GPATCH2L: variants seen among roughly 807,000 people sequenced by gnomAD.
The protein encoded by GPATCH2L is G patch domain-containing protein 2-like.
Under a neutral mutation model 57.4 loss-of-function variants are expected in GPATCH2L, and 31 were observed. The ratio of observed to expected loss-of-function variants is 0.54; its 90% CI spans 0.41 to 0.73. GPATCH2L has a LOEUF of 0.73. Among genes scored for constraint, GPATCH2L ranks in the 30% least tolerant of loss-of-function variants. The probability of loss-of-function intolerance (pLI) is 0.00; values close to 1 mark genes in which losing one functional copy is unlikely to be tolerated. For missense variants in GPATCH2L, 481 were observed against 599.9 expected (o/e 0.80, Z 2.07); for synonymous variants, 199 against 210.7 (o/e 0.94, Z 0.48).
At position 76,167,220 on chromosome 14, in the gene GPATCH2L, G is replaced by A. The variant is rs78248791; in HGVS notation, c.727+493G>A. 1.6e-3 allele frequency among the ~76,000 whole-genome samples: 239 copies of A among 152,210 alleles called. 2 individuals carry two copies. Among genetic ancestry groups the A allele is most frequent in the African/African-American group, 5.3e-3 (221 of 41,534 alleles). On this transcript the variant is annotated intron_variant, in intron 3 of 9. Transcript: ENST00000261530. ...TTCCTCAAAGTAAAACTGGAGTATA[G>A]AGTCCTGTGAATAAGGCTGGTATAG...
chr14:76,183,654 T>C (rs1232798295), intron 8 of GPATCH2L, among the ~76,000 whole-genome samples: 1 of 152,190 alleles, frequency 6.6e-6, no homozygotes, highest in Non-Finnish European at 1.5e-5. Flanking sequence ...GTGACTTCTA[T>C]GCAATTTTTA....
At chr14:76,174,202 G>A (rs1006633851) in intron 5 of GPATCH2L, 1 of 152,630 alleles carries the variant, frequency 6.6e-6, no homozygotes, top group African/African-American at 2.4e-5. Flanking sequence ...CAGCAGATGA[G>A]GAAAACTTAG....
rs8181997 is a variant in GPATCH2L, at chr14:76,152,846, G to T, written c.-11+855G>T. ...TTTAAAGCAGTAATTCTTTATTAGG[G>T]AAGTAGATTTTGACATGCTGTTCCC... On this transcript the variant is annotated intron_variant, in intron 1 of 9. Coordinates refer to ENST00000261530, the MANE Select transcript of GPATCH2L (RefSeq NM_017926.4). The T allele has an allele frequency of 5.6e-4, 247 of 444,486 alleles. 1 individual carries two copies. The East Asian group carries it at 0.012, about 22-fold the overall frequency. The allele number at this position is 444,486 out of a possible 1,614,324, so 27.5% of individuals were successfully genotyped here.
rs1051689549 is a variant in GPATCH2L, at chr14:76,154,245, T to C, written c.-10-109T>C. On this transcript the variant is annotated intron_variant, in intron 1 of 9. Coordinates refer to ENST00000261530, the MANE Select transcript of GPATCH2L (RefSeq NM_017926.4). This position sits in a 1 kb window ranked among gnomAD's most constrained non-coding sequence, Gnocchi z 4.4. ...TGTTTAGACAGGCAGAACTGTGGAC[T>C]ACCATGATCTGTTTCATCAAATTAT... 12 of 886,130 alleles carry C rather than the reference T, an allele frequency of 1.4e-5. No individual in the cohort carries two copies. Among genetic ancestry groups the C allele is most frequent in the Middle Eastern group, 3.4e-4 (1 of 2,900 alleles). 54.9% of individuals were successfully genotyped at this position (886,130 alleles called of 1,614,324 possible).
chr14:76,231,962 A>AGCC (rs1229260053), intron 2 of GPATCH2L, among the ~76,000 whole-genome samples: 1 of 614 alleles, frequency 1.6e-3, no homozygotes, highest in Non-Finnish European at 3.7e-3. Context: ...GGGCAAACAC[A>AGCC]TCTCACTGCA....
intron 6 of GPATCH2L, among the ~76,000 whole-genome samples, chr14:76,177,506 G>C (rs1377836988): frequency 6.6e-6 from 1 of 151,580 alleles, no homozygotes; most frequent in African/African-American, 2.4e-5. Context: ...ACCCAGTTAT[G>C]ATCCTATACA....
At chr14:76,183,412 A>G (rs955306376) in intron 8 of GPATCH2L, among the ~76,000 whole-genome samples, 2 of 152,258 alleles carry the variant, frequency 1.3e-5, no homozygotes, top group African/African-American at 2.4e-5. Context: ...GGTTGCATAC[A>G]TGAAGGTTCT....
intron 8 of GPATCH2L, among the ~76,000 whole-genome samples, chr14:76,195,297 C>A (rs1368325613): frequency 6.6e-6 from 1 of 152,062 alleles, no homozygotes; most frequent in Non-Finnish European, 1.5e-5. Context: ...TTAAAATAAG[C>A]TGAGTATTCA....
rs2040324098 is a variant in GPATCH2L at position 76,202,331 on chromosome 14, CCT to C, written c.*481_*482del. The C allele has an allele frequency of 6.5e-6, 1 of 152,772 alleles. No individual in the cohort carries two copies. Among genetic ancestry groups the C allele is most frequent in the African/African-American group, 2.4e-5 (1 of 41,442 alleles). The allele number at this position is 152,772 out of a possible 1,614,324, so 9.5% of individuals were successfully genotyped here. A position where few individuals can be genotyped will look rare whatever the true frequency, so the allele number is the denominator to read the frequency against. On this transcript the variant is annotated 3_prime_UTR_variant, in exon 10 of 10. Transcript: ENST00000261530. ...GCAGGAGATAAGGCTTGCCTTTGAG[CCT>C]ACTCTTGATTCATGCAGAGTGCCAA...
At chr14:76,235,099 C>T (rs535858250) in intron 2 of GPATCH2L, among the ~76,000 whole-genome samples, 7 of 146,470 alleles carry the variant, frequency 4.8e-5, no homozygotes, top group African/African-American at 1.3e-4. Context: ...ACCCAGGAGG[C>T]GGAGGTTGCG....
chr14:76,215,131 C>CAGACACTTCTCAAAAGA (rs2040481257), downstream of GPATCH2L, among the ~76,000 whole-genome samples: 1 of 152,076 alleles, frequency 6.6e-6, no homozygotes, highest in Admixed American at 6.6e-5. Flanking sequence ...TAAAAAATGA[C>CAGACACTTCTCAAAAGA]AGACATTTAT....
At chr14:76,195,395 G>A (rs1346099428) in intron 8 of GPATCH2L, among the ~76,000 whole-genome samples, 1 of 152,040 alleles carries the variant, frequency 6.6e-6, no homozygotes, top group Non-Finnish European at 1.5e-5. Flanking sequence ...AAAAGTCACA[G>A]AAACTAAACT....
chr14:76,186,429 C>T (rs570778566), intron 8 of GPATCH2L, among the ~76,000 whole-genome samples: 2 of 152,278 alleles, frequency 1.3e-5, no homozygotes, highest in South Asian at 4.1e-4. Flanking sequence ...AGACTCACTT[C>T]ATGCTATTAA....
intron 2 of GPATCH2L, among the ~76,000 whole-genome samples, chr14:76,231,599 G>C (rs542370556): frequency 2.3e-5 from 3 of 132,500 alleles, no homozygotes; most frequent in African/African-American, 8.7e-5. Flanking sequence ...CCCTAGTATG[G>C]CTAAAATTAG....
At chr14:76,233,482 G>T (rs551419979) in intron 2 of GPATCH2L, among the ~76,000 whole-genome samples, 1 of 152,164 alleles carries the variant, frequency 6.6e-6, no homozygotes, top group Non-Finnish European at 1.5e-5. Flanking sequence ...ACCCATAAAA[G>T]TTGATAGAAC....
chr14:76,162,649 A>G (rs1309921169), intron 2 of GPATCH2L, among the ~76,000 whole-genome samples: 1 of 152,136 alleles, frequency 6.6e-6, no homozygotes, highest in East Asian at 1.9e-4. Flanking sequence ...TCTCAGACTG[A>G]TATTTCCCCT....
chr14:76,206,894 A>G lies in GPATCH2L; in HGVS notation c.*5043A>G, dbSNP rs2040382791. 6.6e-6 allele frequency: 1 copy of G among 152,170 alleles called. No individual in the cohort carries two copies. Among genetic ancestry groups the G allele is most frequent in the Non-Finnish European group, 1.5e-5 (1 of 68,018 alleles). The allele number at this position is 152,170 out of a possible 1,614,324, so 9.4% of individuals were successfully genotyped here. A position where few individuals can be genotyped will look rare whatever the true frequency, so the allele number is the denominator to read the frequency against. ...AGATTTTTTTTGTATAATTCTTTGCAGAAACTGTTAATGTCTTTATTTCTC... is the reference window on the plus strand; with the variant it reads ...AGATTTTTTTTGTATAATTCTTTGCGGAAACTGTTAATGTCTTTATTTCTC... On this transcript the variant is annotated 3_prime_UTR_variant, in exon 10 of 10. Transcript: ENST00000261530.
chr14:76,201,174 C>T (rs1322406468), intron 9 of GPATCH2L, among the ~76,000 whole-genome samples: 2 of 152,182 alleles, frequency 1.3e-5, no homozygotes, highest in African/African-American at 4.8e-5. Context: ...ACTGCCCTAT[C>T]GGAGGCATGG....
At chr14:76,227,322 TCTC>T (rs1037429938) in intron 1 of GPATCH2L, among the ~76,000 whole-genome samples, 2 of 152,118 alleles carry the variant, frequency 1.3e-5, no homozygotes, top group Non-Finnish European at 2.9e-5. Flanking sequence ...TTCTCCCTCT[TCTC>T]CTAACCTCAA....
Sources: gnomAD v4.1 joint callset for allele counts (sites outside exome capture counted in the v4.1 genomes callset) on GRCh38, gnomAD v4.1.1 for gene constraint, Gnocchi (gnomAD v3.1) non-coding constraint, MANE v1.5 for transcripts, NCBI Gene and HGNC (gene_info 2026-07-23, HGNC 2026-07-21) for gene names.